Variants in ARLN observed in about 807,000 individuals in gnomAD.
ARLN encodes sarcoplasmic/endoplasmic reticulum calcium ATPase regulator ARLN.
chr4:119,301,569 T>C, the ARLN span, among the ~76,000 whole-genome samples: 3 of 152,146 alleles, frequency 2.0e-5, no homozygotes, highest in African/African-American at 2.4e-5. Context: ...ATATTCTCTT[T>C]CTTGTCACAT....
the ARLN span, chr4:119,300,579 T>G: frequency 8.9e-4 from 1,444 of 1,613,806 alleles, 3 homozygotes; most frequent in Non-Finnish European, 1.2e-3. Flanking sequence ...CCGAAAATGC[T>G]TAAGTTCCCG....
the ARLN span, among the ~76,000 whole-genome samples, chr4:119,299,844 TGTTTA>T: frequency 2.0e-5 from 3 of 152,184 alleles, no homozygotes; most frequent in African/African-American, 7.2e-5. Context: ...GTTTTGGACA[TGTTTA>T]GTTTGAGACA....
chr4:119,298,856 T>G, the ARLN span: 3 of 714,236 alleles, frequency 4.2e-6, no homozygotes, highest in Non-Finnish European at 7.7e-6. Context: ...ATTTACATAT[T>G]GATAAAAAGA....
the ARLN span, chr4:119,300,670 A>T: frequency 6.5e-7 from 1 of 1,547,716 alleles, no homozygotes; most frequent in East Asian, 2.4e-5. Flanking sequence ...TCCGGAATGC[A>T]CTCTGAACCT....
chr4:119,298,884 TTG>T, the ARLN span: 1 of 654,312 alleles, frequency 1.5e-6, no homozygotes, highest in Non-Finnish European at 2.8e-6. Flanking sequence ...AGAACATTTC[TTG>T]TAAGGCCTCT....
chr4:119,299,691 G>T, the ARLN span, among the ~76,000 whole-genome samples: 1 of 152,174 alleles, frequency 6.6e-6, no homozygotes, highest in Non-Finnish European at 1.5e-5. Context: ...TTGTAACTTG[G>T]TGTTTTAGGA....
At chr4:119,303,053 A>G in the ARLN span, among the ~76,000 whole-genome samples, 6 of 152,246 alleles carry the variant, frequency 3.9e-5, no homozygotes, top group Admixed American at 1.3e-4. Flanking sequence ...TGTAATTTTC[A>G]TCTGGAAATA....
chr4:119,304,128 T>G, the ARLN span: 1 of 682,100 alleles, frequency 1.5e-6, no homozygotes, highest in Non-Finnish European at 2.4e-6. Context: ...ACTGGAATGC[T>G]TTCTCACCTG....
At chr4:119,304,382 T>G in the ARLN span, 2 of 1,536,854 alleles carry the variant, frequency 1.3e-6, no homozygotes, top group South Asian at 2.4e-5. Flanking sequence ...CTTTGGCACC[T>G]ATTATTTCCC....
chr4:119,304,444 A>G, the ARLN span: 2 of 1,522,044 alleles, frequency 1.3e-6, no homozygotes, highest in Non-Finnish European at 1.8e-6. Context: ...TAGACTGGTC[A>G]TCTTTCAAAA....
At chr4:119,299,937 A>G in the ARLN span, among the ~76,000 whole-genome samples, 1 of 152,166 alleles carries the variant, frequency 6.6e-6, no homozygotes, top group Admixed American at 6.5e-5. Context: ...GCCAGGCAAC[A>G]TGCAAATCAC....
the ARLN span, chr4:119,300,565 G>C: frequency 6.2e-7 from 1 of 1,614,070 alleles, no homozygotes; most frequent in Non-Finnish European, 8.5e-7. Context: ...AACAACCCTA[G>C]AAACCGAAAA....
At chr4:119,303,180 T>C in the ARLN span, among the ~76,000 whole-genome samples, 2 of 152,084 alleles carry the variant, frequency 1.3e-5, no homozygotes, top group African/African-American at 4.8e-5. Context: ...TATTTCTCCA[T>C]CTTCTGGGTC....
At chr4:119,301,907 A>G in the ARLN span, among the ~76,000 whole-genome samples, 6 of 152,210 alleles carry the variant, frequency 3.9e-5, no homozygotes, top group Non-Finnish European at 7.3e-5. Context: ...ATAGTATACG[A>G]CCTTTCAAGA....
chr4:119,301,070 G>A, the ARLN span: 14 of 335,520 alleles, frequency 4.2e-5, no homozygotes, highest in African/African-American at 2.9e-4. Flanking sequence ...TTCCAAACGG[G>A]CCAGAGAGCA....
the ARLN span, among the ~76,000 whole-genome samples, chr4:119,299,003 ACT>A: frequency 6.6e-6 from 1 of 151,914 alleles, no homozygotes. Flanking sequence ...GGAGAGTAAA[ACT>A]CTCCCTTTAC....
the ARLN span, chr4:119,300,779 C>T: frequency 6.9e-7 from 1 of 1,457,654 alleles, no homozygotes; most frequent in East Asian, 2.5e-5. Flanking sequence ...TCAATGGGCC[C>T]GCCTACTTCT....
chr4:119,300,353 A>G, the ARLN span: 1 of 1,609,860 alleles, frequency 6.2e-7, no homozygotes, highest in Admixed American at 1.7e-5. Flanking sequence ...AAAAATACAC[A>G]AAGAGAAACA....
At chr4:119,303,380 G>A in the ARLN span, among the ~76,000 whole-genome samples, 5 of 152,008 alleles carry the variant, frequency 3.3e-5, no homozygotes, top group South Asian at 2.1e-4. Flanking sequence ...GATTTCAGGC[G>A]TCTGCCAGCA....
Sources: gnomAD v4.1 joint callset for allele counts (sites outside exome capture counted in the v4.1 genomes callset) on GRCh38, gnomAD v4.1.1 for gene constraint, MANE v1.5 for transcripts, NCBI Gene and HGNC (gene_info 2026-07-23, HGNC 2026-07-21) for gene names.